CHD6: variants seen among roughly 807,000 people sequenced by gnomAD.
The protein encoded by CHD6 is ATP-dependent chromatin remodeler CHD6.
A neutral mutation model predicts 276.9 loss-of-function variants in CHD6; 50 were observed. The ratio of observed to expected loss-of-function variants is 0.18; its 90% CI spans 0.14 to 0.23. The LOEUF (loss-of-function observed/expected upper bound fraction) is 0.23. Among genes scored for constraint, CHD6 ranks in the 10% least tolerant of loss-of-function variants. The pLI, the probability that CHD6 is intolerant of heterozygous loss-of-function variation, is 1.00. For missense variants in CHD6, 2,564 were observed against 3,365.8 expected, an observed-to-expected ratio of 0.76 and a Z score of 5.89; for synonymous variants, 1,173 against 1,229.3, an observed-to-expected ratio of 0.95 and a Z score of 0.96.
intron 1 of CHD6, among the ~76,000 whole-genome samples, chr20:41,576,259 A>G (rs1401153103): frequency 6.6e-6 from 1 of 152,224 alleles, no homozygotes; most frequent in African/African-American, 2.4e-5. Context: ...CAGCATCAAT[A>G]TTTGAATTTG....
intron 1 of CHD6, among the ~76,000 whole-genome samples, chr20:41,603,704 A>C (rs1210756650): frequency 6.6e-6 from 1 of 152,080 alleles, no homozygotes; most frequent in Non-Finnish European, 1.5e-5. Flanking sequence ...TGTCTCTACT[A>C]AAATACAAAA....
At chr20:41,570,491 G>A (rs1359721310) in intron 1 of CHD6, among the ~76,000 whole-genome samples, 1 of 152,190 alleles carries the variant, frequency 6.6e-6, no homozygotes, top group Non-Finnish European at 1.5e-5. Context: ...TATATGAGGG[G>A]CCCACTGGCT....
Position 41,421,196 on chromosome 20 carries a change from A to G in CHD6, c.5439T>C (p.Pro1813=). 6.2e-6 allele frequency: 10 copies of G among 1,613,414 alleles called. No individual in the cohort carries two copies. The highest frequency in any genetic ancestry group is 8.5e-6 in the Non-Finnish European group (10 of 1,179,688). Residue 1813 remains proline (P), a synonymous_variant, in exon 31 of 37, where the codon CCT becomes CCC. Coordinates refer to ENST00000373233, the MANE Select transcript of CHD6 (RefSeq NM_032221.5). The part of the protein sequence containing the change: ...GQLEAKCLAS[P]SLNPGNESGF... ...CACTTTCATTTCCTGGATTCAAGGA[A>G]GGGGAAGCTAAACACTTGGCTTCCA...
Position 41,533,087 on chromosome 20 carries a change from T to C in CHD6, c.517A>G (p.Thr173Ala), listed in dbSNP as rs774128585. 6.2e-7 allele frequency: 1 copy of C among 1,611,272 alleles called. No homozygotes were observed. Among genetic ancestry groups the C allele is most frequent in the East Asian group, 2.2e-5 (1 of 44,866 alleles). Residue 173 changes from threonine to alanine, a missense_variant, in exon 3 of 37, where the codon ACT (threonine) becomes GCT (alanine). Physicochemically the swap from Thr to Ala is moderately conservative, Grantham distance 58 (BLOSUM62 0). Transcript: ENST00000373233. ...TKEAKEKRSCTDSAARTKSRK... is the reference protein window; with the variant it reads ...TKEAKEKRSCADSAARTKSRK... ...GACTTCGTCCTGGCTGCAGAGTCAG[T>C]GCAGCTCCTCTTCTCTTTGGCCTCC...
intron 25 of CHD6, among the ~76,000 whole-genome samples, chr20:41,445,085 G>A (rs529734235): frequency 2.6e-5 from 4 of 152,316 alleles, no homozygotes; most frequent in African/African-American, 9.6e-5. Context: ...ACTGCCAGAG[G>A]TGAAGAAAGG....
In CHD6 at chr20:41,471,723, G is replaced by A. The variant is rs530310770; in HGVS notation, c.2664+1599C>T. On this transcript the variant is annotated intron_variant, in intron 17 of 36. Coordinates refer to ENST00000373233, the MANE Select transcript of CHD6 (RefSeq NM_032221.5). ...AATTTTTTTTTGTATTTTTAGTAGA[G>A]ACGGGGTTTCACTGTGTTAGTCAGG... 2.6e-5 allele frequency among the ~76,000 whole-genome samples: 4 copies of A among 152,000 alleles called. No homozygotes were observed. The East Asian group carries it at 5.8e-4, about 22-fold the overall frequency.
chr20:41,500,246 G>A (rs544119589), intron 5 of CHD6, among the ~76,000 whole-genome samples: 2 of 152,178 alleles, frequency 1.3e-5, no homozygotes, highest in South Asian at 2.1e-4. Context: ...GTTCCTGGCT[G>A]GAACGTCCCA....
intron 1 of CHD6, among the ~76,000 whole-genome samples, chr20:41,588,418 T>C (rs1421744953): frequency 2.6e-5 from 4 of 152,198 alleles, no homozygotes; most frequent in African/African-American, 9.7e-5. Context: ...CTCATAGTCA[T>C]GACAGAGGCA....
intron 1 of CHD6, among the ~76,000 whole-genome samples, chr20:41,585,097 G>A (rs116848520): frequency 6.6e-6 from 1 of 152,144 alleles, no homozygotes; most frequent in Non-Finnish European, 1.5e-5. Context: ...ACATCATGAG[G>A]TATACATTAA....
intron 25 of CHD6, among the ~76,000 whole-genome samples, chr20:41,441,240 T>C (rs539581504): frequency 1.3e-5 from 2 of 152,192 alleles, no homozygotes; most frequent in South Asian, 2.1e-4. Context: ...CATCATTATA[T>C]AGTCAGTACC....
chr20:41,490,377 G>A (rs1032102368), intron 11 of CHD6, among the ~76,000 whole-genome samples: 1 of 152,150 alleles, frequency 6.6e-6, no homozygotes, highest in African/African-American at 2.4e-5. Context: ...TATAGCCTAT[G>A]GCTTCTAGGC....
intron 3 of CHD6, among the ~76,000 whole-genome samples, chr20:41,522,967 G>C (rs544667240): frequency 1.3e-5 from 2 of 152,094 alleles, no homozygotes; most frequent in Non-Finnish European, 2.9e-5. Flanking sequence ...ATATATGCAG[G>C]AGTGGGTAGG....
At chr20:41,482,335 C>A (rs1250256651) in intron 16 of CHD6, among the ~76,000 whole-genome samples, 1 of 152,086 alleles carries the variant, frequency 6.6e-6, no homozygotes, top group African/African-American at 2.4e-5. Flanking sequence ...GAAATCTCTC[C>A]TATAGAGCTC....
chr20:41,498,825 G>GTGTC (rs1568647138), intron 6 of CHD6, among the ~76,000 whole-genome samples: 1 of 139,648 alleles, frequency 7.2e-6, no homozygotes, highest in East Asian at 2.0e-4. Flanking sequence ...GTGTGTGTGT[G>GTGTC]TGTGTGTGTG....
At position 41,415,192 on chromosome 20, in the gene CHD6, T is replaced by G; in HGVS notation, c.6933A>C (p.Gly2311=). 6.2e-7 allele frequency: 1 copy of G among 1,613,270 alleles called. No homozygotes were observed. The highest frequency in any genetic ancestry group is 1.1e-5 in the South Asian group (1 of 90,974). The change falls in exon 34 of 37, where the codon GGA becomes GGC. Residue 2311 remains glycine, a synonymous_variant. Transcript: ENST00000373233. The part of the protein sequence containing the change: ...IFLKEQTLQA[G]ILEVHEDPGQ... ...TAATGACCTCAATACCCACCAAGAT[T>G]CCCGCCTGAAGTGTCTGCTCCTTCA...
At chr20:41,435,063 G>GCA (rs1167443108) in intron 27 of CHD6, among the ~76,000 whole-genome samples, 2 of 152,008 alleles carry the variant, frequency 1.3e-5, no homozygotes, top group African/African-American at 4.8e-5. Context: ...ATCAATAACA[G>GCA]CAAGGTAATG....
At chr20:41,609,751 T>C (rs1280155798) in intron 1 of CHD6, among the ~76,000 whole-genome samples, 1 of 152,106 alleles carries the variant, frequency 6.6e-6, no homozygotes, top group African/African-American at 2.4e-5. Flanking sequence ...TAAATATATC[T>C]AATAAAACTG....
chr20:41,437,409 C>T (rs1385963561), intron 26 of CHD6, 75 bp from the exon 27 acceptor site: 1 of 965,628 alleles, frequency 1.0e-6, no homozygotes, highest in Non-Finnish European at 1.6e-6. Context: ...CCCTGGTCAA[C>T]CACAGTCCAA....
chr20:41,565,657 A>ATAATTAGATGTACAG (rs1421878969), intron 1 of CHD6, among the ~76,000 whole-genome samples: 1 of 152,176 alleles, frequency 6.6e-6, no homozygotes, highest in African/African-American at 2.4e-5. Context: ...CCGAAGTACA[A>ATAATTAGATGTACAG]TAATTAGATT....
Sources: allele counts gnomAD v4.1 joint callset (sites outside exome capture counted in the v4.1 genomes callset), GRCh38; gene constraint gnomAD v4.1.1; transcripts MANE v1.5; gene names NCBI Gene and HGNC (gene_info 2026-07-23, HGNC 2026-07-21).